TPD52: variants seen among roughly 807,000 people sequenced by gnomAD.
TPD52 encodes the protein prostate and colon associated protein.
Under a neutral mutation model 31.3 loss-of-function variants are expected in TPD52, and 17 were observed. The observed-to-expected ratio is 0.54, with a 90% CI of 0.37 to 0.82. The LOEUF (loss-of-function observed/expected upper bound fraction) is 0.82, where lower values mean the gene tolerates loss of function less well. Ranked by LOEUF, TPD52 falls within the 40% of genes least tolerant of loss-of-function variation. The probability of loss-of-function intolerance (pLI) is 0.00; values close to 1 mark genes in which losing one functional copy is unlikely to be tolerated. For synonymous variants in TPD52, 83 were observed against 89.6 expected, an observed-to-expected ratio of 0.93 and a Z score of 0.42; for missense variants, 212 against 240.1, an observed-to-expected ratio of 0.88 and a Z score of 0.77.
At chr8:80,042,709 T>TG (rs1384818830) in intron 6 of TPD52, 41 bp from the exon 7 acceptor site, 43 of 1,559,676 alleles carry the variant, frequency 2.8e-5, no homozygotes, top group Non-Finnish European at 3.7e-5. Flanking sequence ...ATACAAATAC[T>TG]GAAAAAAAAT....
At chr8:80,162,553 T>A (rs1811429636) in intron 1 of TPD52, among the ~76,000 whole-genome samples, 1 of 150,388 alleles carries the variant, frequency 6.6e-6, no homozygotes, top group Non-Finnish European at 1.5e-5. Flanking sequence ...AGCCCAGGAG[T>A]TCAAGGCTAC....
At chr8:80,132,645 G>A (rs1809100449) in intron 1 of TPD52, among the ~76,000 whole-genome samples, 1 of 152,188 alleles carries the variant, frequency 6.6e-6, no homozygotes, top group African/African-American at 2.4e-5. Context: ...GATCCTATGG[G>A]CAGGTGGACC....
intron 1 of TPD52, among the ~76,000 whole-genome samples, chr8:80,128,907 T>A (rs1283251654): frequency 5.9e-5 from 9 of 151,920 alleles, no homozygotes; most frequent in Admixed American, 5.9e-4. Flanking sequence ...GAAGAAATGC[T>A]AGATTAGTAC....
intron 1 of TPD52, among the ~76,000 whole-genome samples, chr8:80,094,650 T>C (rs968917052): frequency 2.0e-5 from 3 of 150,924 alleles, no homozygotes; most frequent in East Asian, 1.9e-4. Context: ...TGGAAACAGA[T>C]AGTGGTGATG....
intron 1 of TPD52, among the ~76,000 whole-genome samples, chr8:80,166,364 C>A (rs1422221324): frequency 6.6e-6 from 1 of 151,864 alleles, no homozygotes; most frequent in Non-Finnish European, 1.5e-5. Flanking sequence ...TCCCTAGTAG[C>A]TGGGATTACA....
chr8:80,054,457 G>GA lies in TPD52; in HGVS notation c.136-1028dup, dbSNP rs200405576. Among the ~76,000 whole-genome samples the GA allele has an allele frequency of 7.8e-3, 1,194 of 152,196 alleles. 16 individuals carry two copies. The highest frequency in any genetic ancestry group is 0.027 in the African/African-American group (1,101 of 41,518). On this transcript the variant is annotated intron_variant, in intron 2 of 7. Coordinates refer to ENST00000518937, the MANE Select transcript of TPD52 (RefSeq NM_001025253.3). ...TTCAGAGAGAAATAGACACCATGTGGAAGAGACTTTAGGTCCCAGGAAATT... is the reference window on the plus strand; with the variant it reads ...TTCAGAGAGAAATAGACACCATGTGGAAAGAGACTTTAGGTCCCAGGAAATT...
At chr8:80,113,701 A>C (rs965930744) in intron 1 of TPD52, among the ~76,000 whole-genome samples, 2 of 152,214 alleles carry the variant, frequency 1.3e-5, no homozygotes, top group African/African-American at 4.8e-5. Flanking sequence ...GCTCTCATTC[A>C]TATGTGGGAG....
downstream of TPD52, chr8:80,032,992 G>C (rs1413631093): frequency 1.3e-5 from 2 of 152,590 alleles, no homozygotes; most frequent in African/African-American, 4.8e-5. Flanking sequence ...AGGGGTGCGT[G>C]AGCAAGTGAG....
intron 1 of TPD52, among the ~76,000 whole-genome samples, chr8:80,089,397 A>AT (rs2130874436): frequency 6.6e-6 from 1 of 152,324 alleles, no homozygotes; most frequent in African/African-American, 2.4e-5. Context: ...ACTTTAGGTG[A>AT]TAAGAGAATG....
At chr8:80,052,719 T>C (rs1174523183) in intron 3 of TPD52, 4 of 1,271,384 alleles carry the variant, frequency 3.1e-6, no homozygotes, top group Non-Finnish European at 4.1e-6. Context: ...TGCTATATCA[T>C]AGCATGTGTG....
At chr8:80,083,600 G>A (rs1295351723) in intron 1 of TPD52, among the ~76,000 whole-genome samples, 2 of 152,078 alleles carry the variant, frequency 1.3e-5, no homozygotes, top group East Asian at 3.8e-4. Flanking sequence ...GCCACCCTGT[G>A]AAGTGGTGCC....
chr8:80,156,113 A>C (rs2131226551), intron 1 of TPD52, among the ~76,000 whole-genome samples: 1 of 152,068 alleles, frequency 6.6e-6, no homozygotes, highest in East Asian at 1.9e-4. Flanking sequence ...TCTCTGCTCC[A>C]CTCAGCCTCA....
At chr8:80,127,110 C>CAA (rs111448600) in intron 1 of TPD52, among the ~76,000 whole-genome samples, 21,745 of 134,090 alleles carry the variant, frequency 0.16, 2,375 homozygotes, top group African/African-American at 0.32. Flanking sequence ...GATGATGTCT[C>CAA]AAAAAAAAAA....
chr8:80,131,857 T>C (rs981713128), intron 1 of TPD52, among the ~76,000 whole-genome samples: 7 of 152,132 alleles, frequency 4.6e-5, no homozygotes, highest in Non-Finnish European at 8.8e-5. Context: ...AGATTTTCTA[T>C]GAAGACGCAA....
chr8:80,156,171 C>T (rs768677376), intron 1 of TPD52, among the ~76,000 whole-genome samples: 4 of 152,148 alleles, frequency 2.6e-5, no homozygotes, highest in Admixed American at 1.3e-4. Context: ...AAGGTGCACC[C>T]GCTCACATGA....
intron 1 of TPD52, among the ~76,000 whole-genome samples, chr8:80,107,116 G>A (rs1327792697): frequency 6.6e-6 from 1 of 152,164 alleles, no homozygotes; most frequent in Non-Finnish European, 1.5e-5. Flanking sequence ...CTCCCAAAGT[G>A]CTGGGATTAC....
chr8:80,104,586 A>AC (rs1806972522), intron 1 of TPD52, among the ~76,000 whole-genome samples: 1 of 151,268 alleles, frequency 6.6e-6, no homozygotes, highest in Non-Finnish European at 1.5e-5. Flanking sequence ...AACAACAACA[A>AC]AAAAAACAGA....
At chr8:80,089,984 G>T (rs1251775082) in intron 1 of TPD52, among the ~76,000 whole-genome samples, 1 of 152,196 alleles carries the variant, frequency 6.6e-6, no homozygotes, top group Non-Finnish European at 1.5e-5. Flanking sequence ...CAGGACTTGG[G>T]GTCTGGTGAT....
intron 1 of TPD52, among the ~76,000 whole-genome samples, chr8:80,121,182 G>T (rs1373472636): frequency 1.3e-5 from 2 of 151,590 alleles, no homozygotes; most frequent in Non-Finnish European, 2.9e-5. Flanking sequence ...ACATATCCAA[G>T]ATCATTATCA....
Sources: gnomAD v4.1 joint callset for allele counts (sites outside exome capture counted in the v4.1 genomes callset) on GRCh38, gnomAD v4.1.1 for gene constraint, MANE v1.5 for transcripts, NCBI Gene and HGNC (gene_info 2026-07-23, HGNC 2026-07-21) for gene names.